Variants in RTN4 observed in about 807,000 individuals in gnomAD.
RTN4 encodes reticulon 4, also known as reticulon-4.
RTN4 carries 32 observed loss-of-function variants against 90.4 expected under a neutral mutation model. The observed-to-expected ratio is 0.35, with a 90% CI of 0.27 to 0.48. RTN4 has a LOEUF of 0.48. RTN4 is among the 20% of genes least tolerant of loss of function. RTN4 has a pLI of 0.99. For synonymous variants in RTN4, 629 were observed against 552.5 expected (o/e 1.14, Z -1.94); for missense variants, 1,706 against 1,430.2 (o/e 1.19, Z -3.11).
At chr2:55,102,993 C>T (rs1978974) in intron 1 of RTN4, among the ~76,000 whole-genome samples, 47,903 of 151,016 alleles carry the variant, frequency 0.32, 8,857 homozygotes, top group East Asian at 0.67. Context: ...TGACACATGC[C>T]TGTAATCCCA....
chr2:55,068,774 A>C (rs140164591), intron 2 of RTN4, among the ~76,000 whole-genome samples: 3 of 152,274 alleles, frequency 2.0e-5, no homozygotes, highest in African/African-American at 7.2e-5. Flanking sequence ...ATGCAGCAAC[A>C]ATGCTTTCTG....
intron 2 of RTN4, among the ~76,000 whole-genome samples, chr2:55,067,300 C>T (rs1275228498): frequency 6.6e-6 from 1 of 151,980 alleles, no homozygotes; most frequent in Non-Finnish European, 1.5e-5. Flanking sequence ...TGTAAAAACA[C>T]TTTGGAAAGT....
upstream of RTN4, among the ~76,000 whole-genome samples, chr2:55,117,177 T>C (rs765252282): frequency 1.3e-5 from 2 of 152,116 alleles, no homozygotes; most frequent in Non-Finnish European, 2.9e-5. Flanking sequence ...CCCGGCCAGA[T>C]AGCTGTTTCT....
At chr2:55,024,191 C>A (rs1046443716) in intron 3 of RTN4, among the ~76,000 whole-genome samples, 2 of 152,136 alleles carry the variant, frequency 1.3e-5, no homozygotes, top group African/African-American at 2.4e-5. Context: ...ATCCAGGGTT[C>A]CTGGGGTCAT....
At chr2:55,006,882 C>T (rs1680266532) in intron 3 of RTN4, among the ~76,000 whole-genome samples, 1 of 152,128 alleles carries the variant, frequency 6.6e-6, no homozygotes, top group African/African-American at 2.4e-5. Context: ...CGCAGACCTC[C>T]ATAACGCAGG....
chr2:54,979,227 GT>G (rs5831332), intron 5 of RTN4, among the ~76,000 whole-genome samples: 102,961 of 147,588 alleles, frequency 0.7, 35,645 homozygotes, highest in Middle Eastern at 0.75. Flanking sequence ...TGATTTTTCA[GT>G]TTTTTTTTTT....
intron 1 of RTN4, chr2:55,080,697 A>G (rs943099233): frequency 6.6e-6 from 1 of 152,210 alleles, no homozygotes; most frequent in African/African-American, 2.4e-5. Context: ...TTCTAAGAAA[A>G]GTTTTTAAAT....
intron 1 of RTN4, among the ~76,000 whole-genome samples, chr2:55,045,119 A>G (rs1245272115): frequency 6.6e-6 from 1 of 152,220 alleles, no homozygotes. Context: ...CATATAATAA[A>G]TGGCTTCATG....
chr2:55,065,584 G>C (rs962097938), intron 2 of RTN4, among the ~76,000 whole-genome samples: 1 of 152,050 alleles, frequency 6.6e-6, no homozygotes, highest in East Asian at 1.9e-4. Context: ...AAAATGGTTT[G>C]CAATAAAAAG....
At chr2:55,086,730 T>TG (rs1435276768) in intron 1 of RTN4, among the ~76,000 whole-genome samples, 2 of 152,094 alleles carry the variant, frequency 1.3e-5, no homozygotes, top group Non-Finnish European at 2.9e-5. Flanking sequence ...GAAGCCCTTT[T>TG]GGGGCCCCCT....
chr2:54,989,023 A>G (rs1013493164), intron 3 of RTN4, among the ~76,000 whole-genome samples: 1 of 152,246 alleles, frequency 6.6e-6, no homozygotes, highest in African/African-American at 2.4e-5. Context: ...AGGTGACATC[A>G]AAGAAAAATC....
rs1667993071 is a variant in RTN4 at position 55,049,771 on chromosome 2, T to C, written c.530A>G (p.Lys177Arg). The change falls in exon 1 of 9, where the codon AAG (lysine) becomes AGG (arginine). Residue 177 changes from lysine (K) to arginine (R), a missense_variant. Physicochemically the swap from Lys to Arg is conservative, Grantham distance 26 (BLOSUM62 2). Transcript: ENST00000337526. ...AAPPSTPAAP[K>R]RRGSSGSVDE... Reference sequence around the variant, plus strand: ...CACTGAGCCCGAGGAGCCCCTGCGCTTGGGCGCGGCCGGGGTGGAGGGGGG... The same window carrying C: ...CACTGAGCCCGAGGAGCCCCTGCGCCTGGGCGCGGCCGGGGTGGAGGGGGG... The C allele has an allele frequency of 7.5e-7, 1 of 1,326,142 alleles. No homozygotes were observed. Among genetic ancestry groups the C allele is most frequent in the Non-Finnish European group, 9.6e-7 (1 of 1,039,602 alleles). The allele number at this position is 1,326,142 out of a possible 1,614,324, so 82.1% of individuals were successfully genotyped here. A position where few individuals can be genotyped will look rare whatever the true frequency, so the allele number is the denominator to read the frequency against.
intron 3 of RTN4, among the ~76,000 whole-genome samples, chr2:54,992,853 A>T (rs2580773): frequency 6.6e-6 from 1 of 151,714 alleles, no homozygotes. Flanking sequence ...GTGGATCATG[A>T]GGTCAGGAGA....
intron 1 of RTN4, among the ~76,000 whole-genome samples, chr2:55,034,403 G>A (rs750331887): frequency 2.0e-5 from 3 of 152,186 alleles, no homozygotes; most frequent in Non-Finnish European, 4.4e-5. Flanking sequence ...TTGGGAGGCT[G>A]AGGTGGGAGG....
At chr2:55,037,957 G>GAC (rs1558838729) in intron 1 of RTN4, among the ~76,000 whole-genome samples, 1 of 152,098 alleles carries the variant, frequency 6.6e-6, no homozygotes, top group South Asian at 2.1e-4. Flanking sequence ...GAACAAAATA[G>GAC]ATATATATAA....
intron 1 of RTN4, among the ~76,000 whole-genome samples, chr2:55,029,135 T>C (rs1682121418): frequency 6.6e-6 from 1 of 151,966 alleles, no homozygotes; most frequent in South Asian, 2.1e-4. Flanking sequence ...GCTCCCTGTC[T>C]CCCCAGGCAC....
rs151167556 is a variant in RTN4 at position 54,993,122 on chromosome 2, G to A, written c.3014-5424C>T. Reference sequence around the variant, plus strand: ...AAGAAATTAAACATATAACTATGAAGTCTGAAAGTATATCTACTAAGCAGT... The same window carrying A: ...AAGAAATTAAACATATAACTATGAAATCTGAAAGTATATCTACTAAGCAGT... On this transcript the variant is annotated intron_variant, in intron 3 of 8. Coordinates refer to ENST00000337526, the MANE Select transcript of RTN4 (RefSeq NM_020532.5). Among the ~76,000 whole-genome samples, 58 of 150,126 alleles carry A rather than the reference G, an allele frequency of 3.9e-4. No homozygotes were observed. The East Asian group carries it at 0.011, about 29-fold the overall frequency.
the RTN4 span, among the ~76,000 whole-genome samples, chr2:55,130,323 C>T: frequency 6.6e-6 from 1 of 152,082 alleles, no homozygotes; most frequent in African/African-American, 2.4e-5. Flanking sequence ...TTCTATAGGA[C>T]ATACAAGTAT....
intron 1 of RTN4, 141 bp downstream of exon 1, chr2:55,049,604 G>C: frequency 7.3e-7 from 1 of 1,377,418 alleles, no homozygotes; most frequent in Non-Finnish European, 1.0e-6. Context: ...CTTCCAACCA[G>C]ACGGGGCGCC....
Sources: gnomAD v4.1 joint callset for allele counts (sites outside exome capture counted in the v4.1 genomes callset) on GRCh38, gnomAD v4.1.1 for gene constraint, MANE v1.5 for transcripts, NCBI Gene and HGNC (gene_info 2026-07-23, HGNC 2026-07-21) for gene names.